ATP6V1E2: variants seen among roughly 807,000 people sequenced by gnomAD.
The protein encoded by ATP6V1E2 is ATPase H+ transporting V1 subunit E2.
For synonymous variants in ATP6V1E2, 121 were observed against 104.2 expected (o/e 1.16, Z -0.98); for missense variants, 308 against 273.3 (o/e 1.13, Z -0.90).
At chr2:46,538,293 T>C (rs1161415692) in intron 2 of ATP6V1E2, among the ~76,000 whole-genome samples, 2 of 152,172 alleles carry the variant, frequency 1.3e-5, no homozygotes, top group African/African-American at 4.8e-5. Context: ...CTCAAAAACT[T>C]TTGATACCTT....
At chr2:46,541,820 C>T (rs1424384270) in intron 1 of ATP6V1E2, 1 of 152,506 alleles carries the variant, frequency 6.6e-6, no homozygotes, top group African/African-American at 2.4e-5. Context: ...GGCAGAGGGG[C>T]AGGGGTTGCC....
intron 4 of ATP6V1E2, among the ~76,000 whole-genome samples, chr2:46,521,880 C>T (rs1274674847): frequency 6.6e-6 from 1 of 152,006 alleles, no homozygotes; most frequent in South Asian, 2.1e-4. Context: ...TTAGTAGAGG[C>T]GGAGTTTCAC....
chr2:46,514,099 G>A (rs995285382), intron 4 of ATP6V1E2, among the ~76,000 whole-genome samples: 4 of 151,894 alleles, frequency 2.6e-5, no homozygotes, highest in African/African-American at 7.3e-5. Flanking sequence ...GGCCAACATG[G>A]TGAAATCCCA....
intron 2 of ATP6V1E2, among the ~76,000 whole-genome samples, chr2:46,538,811 C>T (rs1453616821): frequency 2.6e-5 from 4 of 152,118 alleles, no homozygotes; most frequent in Non-Finnish European, 5.9e-5. Context: ...ATCCCAAATT[C>T]AAAATTCTCA....
chr2:46,520,813 G>C (rs560533178), intron 4 of ATP6V1E2, among the ~76,000 whole-genome samples: 1 of 151,946 alleles, frequency 6.6e-6, no homozygotes, highest in East Asian at 1.9e-4. Flanking sequence ...TTCATTTAAC[G>C]TGGATTGATT....
At chr2:46,522,562 G>A (rs967486398) in intron 4 of ATP6V1E2, among the ~76,000 whole-genome samples, 1 of 152,100 alleles carries the variant, frequency 6.6e-6, no homozygotes, top group Non-Finnish European at 1.5e-5. Context: ...CCCTGTAAAG[G>A]ATATGATCTC....
In ATP6V1E2 at chr2:46,535,210, T is replaced by A. The variant is rs769968725; in HGVS notation, c.-102+603A>T. 1 of 151,884 alleles carries A rather than the reference T, an allele frequency of 6.6e-6. No individual in the cohort carries two copies. Among genetic ancestry groups the A allele is most frequent in the Non-Finnish European group, 1.5e-5 (1 of 67,978 alleles). The allele number at this position is 151,884 out of a possible 1,614,324, so 9.4% of individuals were successfully genotyped here. On this transcript the variant is annotated intron_variant, in intron 4 of 4. Transcript: ENST00000522587. The surrounding 1 kb of genome is among the most constrained non-coding windows in gnomAD (Gnocchi z 4.4). ...GCTGTTCAATGTCTGAAAAGAGAGG[T>A]TTCATATATTCTGTTCAATTTTAAA...
intron 4 of ATP6V1E2, among the ~76,000 whole-genome samples, chr2:46,531,002 CT>C (rs1438973777): frequency 1.3e-5 from 2 of 151,486 alleles, no homozygotes; most frequent in Admixed American, 6.6e-5. Context: ...TATTACCTGA[CT>C]TTTTTTCTCT....
chr2:46,528,647 A>G (rs1037544509), intron 4 of ATP6V1E2, among the ~76,000 whole-genome samples: 2 of 152,170 alleles, frequency 1.3e-5, no homozygotes, highest in African/African-American at 4.8e-5. Flanking sequence ...GTGTCACAAG[A>G]TGCATCCAGG....
Position 46,533,203 on chromosome 2 carries a change from G to GTAGATAGA in ATP6V1E2, c.-102+2602_-102+2609dup, listed in dbSNP as rs72186652. ...TCATATATAGTGTGTGCATGTATGTGTAGATAGATAGATAGATAGATAGAT... is the reference window on the plus strand; with the variant it reads ...TCATATATAGTGTGTGCATGTATGTGTAGATAGATAGATAGATAGATAGATAGATAGAT... On this transcript the variant is annotated intron_variant, in intron 4 of 4. Transcript: ENST00000522587. Among the ~76,000 whole-genome samples, 166 of 148,282 alleles carry GTAGATAGA rather than the reference G, an allele frequency of 1.1e-3. 1 individual carries two copies. The highest frequency in any genetic ancestry group is 1.5e-3 in the African/African-American group (60 of 40,084).
chr2:46,518,487 C>CA (rs1363490337), intron 4 of ATP6V1E2, among the ~76,000 whole-genome samples: 3 of 77,872 alleles, frequency 3.9e-5, no homozygotes, highest in African/African-American at 5.5e-5. Flanking sequence ...CACACACACA[C>CA]ACAACACACA....
At chr2:46,536,500 G>A (rs956903731) in intron 3 of ATP6V1E2, 111 bp downstream of exon 3, 12 of 152,628 alleles carry the variant, frequency 7.9e-5, no homozygotes, top group African/African-American at 2.9e-4. Context: ...GGCACCCTGG[G>A]GAGTGAAGAG....
At chr2:46,517,428 G>A (rs1327134703) in intron 4 of ATP6V1E2, among the ~76,000 whole-genome samples, 1 of 152,190 alleles carries the variant, frequency 6.6e-6, no homozygotes. Context: ...TCTTGCCAAT[G>A]ATTTCTTGGA....
chr2:46,540,891 C>A (rs889755180), intron 2 of ATP6V1E2, among the ~76,000 whole-genome samples: 8 of 152,152 alleles, frequency 5.3e-5, no homozygotes, highest in African/African-American at 1.9e-4. Context: ...CATGATTCAT[C>A]GGACATCAGT....
intron 4 of ATP6V1E2, among the ~76,000 whole-genome samples, chr2:46,522,406 C>T (rs1051552319): frequency 6.6e-6 from 1 of 152,102 alleles, no homozygotes. Flanking sequence ...CCCCACCCCC[C>T]AAAAAGCCCT....
At position 46,512,582 on chromosome 2, in the gene ATP6V1E2, G is replaced by A. The variant is rs150480219; in HGVS notation, c.130C>T (p.Arg44Cys). The change falls in exon 5 of 5, where the codon CGC becomes TGC. Residue 44 changes from arginine (R) to cysteine (C), a missense_variant. Physicochemically the swap from Arg to Cys is radical, Grantham distance 180. Coordinates refer to ENST00000522587, the MANE Select transcript of ATP6V1E2 (RefSeq NM_001318063.2). Reference sequence around the variant, plus strand: ...TTCAGTCGTTGGGTTTGCACGAGGCGTCCTTTCTCAATGTTAAACTCTTCC... The same window carrying A: ...TTCAGTCGTTGGGTTTGCACGAGGCATCCTTTCTCAATGTTAAACTCTTCC... ...AEEEFNIEKG[R>C]LVQTQRLKIM... 2.6e-5 allele frequency: 42 copies of A among 1,614,112 alleles called. No individual in the cohort carries two copies. The highest frequency in any genetic ancestry group is 8.9e-5 in the East Asian group (4 of 44,892).
intron 4 of ATP6V1E2, among the ~76,000 whole-genome samples, chr2:46,520,281 C>T (rs758823958): frequency 1.3e-5 from 2 of 152,266 alleles, no homozygotes; most frequent in Non-Finnish European, 2.9e-5. Flanking sequence ...AACTTCTCGT[C>T]TGTCTGGGAT....
In ATP6V1E2 at chr2:46,512,580, G is replaced by A. The variant is rs972052017; in HGVS notation, c.132C>T (p.Arg44=). ...TCTTCAGTCGTTGGGTTTGCACGAG[G>A]CGTCCTTTCTCAATGTTAAACTCTT... is the stretch of plus-strand genomic sequence containing the variant. ...AEEEFNIEKG[R]LVQTQRLKIM... The change falls in exon 5 of 5, where the codon CGC becomes CGT. Residue 44 remains arginine (R), a synonymous_variant. Coordinates refer to ENST00000522587, the MANE Select transcript of ATP6V1E2 (RefSeq NM_001318063.2). 4 of 1,614,016 alleles carry A rather than the reference G, an allele frequency of 2.5e-6. No individual in the cohort carries two copies. The highest frequency in any genetic ancestry group is 2.7e-5 in the African/African-American group (2 of 74,890).
At chr2:46,515,647 A>G (rs1465707520) in intron 4 of ATP6V1E2, among the ~76,000 whole-genome samples, 1 of 152,246 alleles carries the variant, frequency 6.6e-6, no homozygotes, top group Non-Finnish European at 1.5e-5. Flanking sequence ...ACAACAGTTA[A>G]CAAATAGCAA....
Sources: allele counts gnomAD v4.1 joint callset (sites outside exome capture counted in the v4.1 genomes callset), GRCh38; gene constraint gnomAD v4.1.1; non-coding constraint Gnocchi (gnomAD v3.1); transcripts MANE v1.5; gene names NCBI Gene and HGNC (gene_info 2026-07-23, HGNC 2026-07-21).